The following TMIGD2 variants were observed in gnomAD, a reference collection of about 807,000 sequenced individuals.
TMIGD2 encodes the protein transmembrane and immunoglobulin domain-containing protein 2.
In TMIGD2, 18 loss-of-function variants were observed where a neutral mutation model predicts 22.6. The observed-to-expected ratio is 0.80, with a 90% CI of 0.55 to 1.18. The LOEUF (loss-of-function observed/expected upper bound fraction) is 1.18. TMIGD2 is among the 50% of genes most tolerant of loss of function. The pLI, the probability that TMIGD2 is intolerant of heterozygous loss-of-function variation, is 0.00. For synonymous variants in TMIGD2, 184 were observed against 154.1 expected, an observed-to-expected ratio of 1.19 and a Z score of -1.44; for missense variants, 361 against 378.2, an observed-to-expected ratio of 0.95 and a Z score of 0.38.
intron 2 of TMIGD2, 36 bp downstream of exon 2, chr19:4,297,950 C>T (rs112223897): frequency 1.3e-6 from 2 of 1,516,662 alleles, no homozygotes; most frequent in Admixed American, 4.4e-5. Flanking sequence ...TAGGATCCTC[C>T]CCACTGCCCC....
At chr19:4,297,858 TAAA>T (rs11303106) in intron 2 of TMIGD2, 125 bp downstream of exon 2, 7,173 of 1,032,872 alleles carry the variant, frequency 6.9e-3, no homozygotes, top group South Asian at 0.012. Context: ...CTCTGTCTCT[TAAA>T]AAAAAAAAAA....
Position 4,299,202 on chromosome 19 carries a change from T to C in TMIGD2, c.47-857A>G, listed in dbSNP as rs542805032. Among the ~76,000 whole-genome samples, 3 of 152,194 alleles carry C rather than the reference T, an allele frequency of 2.0e-5. No homozygotes were observed. The South Asian group carries it at 6.2e-4, about 32-fold the overall frequency. ...CTCTATAGTCCAGGCTGGAGTGCAG[T>C]GGCACCATCACAGCTCACGGCAGCC... is the stretch of plus-strand genomic sequence containing the variant. On this transcript the variant is annotated intron_variant, in intron 1 of 4. Coordinates refer to ENST00000301272, the Ensembl canonical transcript of TMIGD2.
intron 4 of TMIGD2, among the ~76,000 whole-genome samples, chr19:4,294,309 C>A (rs1444524735): frequency 6.6e-6 from 1 of 152,120 alleles, no homozygotes; most frequent in African/African-American, 2.4e-5. Flanking sequence ...CCCACCTCGG[C>A]CTCCCAAAAT....
intron 2 of TMIGD2, 62 bp downstream of exon 2, chr19:4,297,924 A>G: frequency 6.7e-7 from 1 of 1,483,480 alleles, no homozygotes; most frequent in African/African-American, 1.4e-5. Flanking sequence ...TTTAAGACTC[A>G]AAAGTCTTAA....
Position 4,292,725 on chromosome 19 carries a change from G to T in TMIGD2, c.723C>A (p.Cys241Ter), listed in dbSNP as rs562051572. The T allele has an allele frequency of 4.3e-5, 69 of 1,608,998 alleles. No homozygotes were observed. In the South Asian group the frequency reaches 4.6e-4, roughly 11 times the overall value. ...GGCTGGGGCAGGGTCTCGGGCTGGGGCAGGGTCTTGACGCCAGGTGCGGCT... is the reference window on the plus strand; with the variant it reads ...GGCTGGGGCAGGGTCTCGGGCTGGGTCAGGGTCTTGACGCCAGGTGCGGCT... The change falls in exon 5 of 5, where the codon TGC becomes TGA. Residue 241 changes from cysteine (C) to a stop codon, truncating the protein, a stop_gained. Transcript: ENST00000301272. LOFTEE classifies it low-confidence loss of function (END_TRUNC).
At chr19:4,292,617 G>C in exon 5 of TMIGD2, 1 of 1,613,156 alleles carries the variant, frequency 6.2e-7, no homozygotes, top group Non-Finnish European at 8.5e-7. Context: ...CTCCCACTTT[G>C]GGGAACCCTT....
chr19:4,301,668 TCAAAA>T (rs940399972), intron 1 of TMIGD2, among the ~76,000 whole-genome samples: 9 of 152,012 alleles, frequency 5.9e-5, no homozygotes, highest in East Asian at 3.9e-4. Context: ...AGACTCCTTC[TCAAAA>T]CAAAACAAAA....
chr19:4,293,481 C>T (rs958978503), intron 4 of TMIGD2, among the ~76,000 whole-genome samples: 3 of 137,696 alleles, frequency 2.2e-5, no homozygotes, highest in African/African-American at 5.6e-5. Context: ...AGGCTGGTCT[C>T]GAACTCCTGG....
intron 2 of TMIGD2, among the ~76,000 whole-genome samples, chr19:4,296,987 A>G (rs1389785827): frequency 1.3e-5 from 2 of 151,124 alleles, no homozygotes; most frequent in Non-Finnish European, 2.9e-5. Context: ...TCTCTGGTTC[A>G]CCTGGCTCAT....
intron 1 of TMIGD2, 139 bp from the exon 2 acceptor site, chr19:4,298,484 C>T: frequency 6.0e-6 from 8 of 1,323,178 alleles, no homozygotes; most frequent in Non-Finnish European, 6.9e-6. Flanking sequence ...CGCCTGTAGT[C>T]CCAGCACTTT....
chr19:4,295,059 G>A (rs1047606907), intron 2 of TMIGD2, among the ~76,000 whole-genome samples: 1 of 151,696 alleles, frequency 6.6e-6, no homozygotes, highest in East Asian at 1.9e-4. Context: ...TCAGGAGTTC[G>A]AGACCAGCCT....
At position 4,302,374 on chromosome 19, in the gene TMIGD2, C is replaced by T. The variant is rs147605966; in HGVS notation, c.12G>A (p.Pro4=). Reference sequence around the variant, plus strand: ...GCACCAGGAGGCCCAGCACCATGCCCGGGGACCCCATTCCTGGCCCATCAC... The same window carrying T: ...GCACCAGGAGGCCCAGCACCATGCCTGGGGACCCCATTCCTGGCCCATCAC... Residue 4 remains proline (P), a synonymous_variant, in exon 1 of 5, where the codon CCG becomes CCA. Transcript: ENST00000301272. The T allele has an allele frequency of 3.5e-3, 5,486 of 1,569,828 alleles. 31 individuals are homozygous for T. Among genetic ancestry groups the T allele is most frequent in the Middle Eastern group, 0.011 (68 of 6,002 alleles).
rs1316130955 is a variant in TMIGD2, at chr19:4,297,913, G to A, written c.406+73C>T. ...AATTTAGAGTTTTTTGTTTCTAGGA[G>A]TTTAAGACTCAAAAGTCTTAAGATT... On this transcript the variant is annotated intron_variant, in intron 2 of 4. Transcript: ENST00000301272. 4.1e-6 allele frequency: 6 copies of A among 1,463,426 alleles called. No homozygotes were observed. The Admixed American group carries it at 7.4e-5, about 18-fold the overall frequency. The allele number at this position is 1,463,426 out of a possible 1,614,324, so 90.7% of individuals were successfully genotyped here.
intron 2 of TMIGD2, among the ~76,000 whole-genome samples, chr19:4,295,754 C>T (rs772292334): frequency 7.2e-5 from 11 of 151,988 alleles, no homozygotes; most frequent in South Asian, 6.2e-4. Context: ...ACGGGGAAAC[C>T]GAGGCTCAGA....
chr19:4,299,220 C>T (rs947052485), intron 1 of TMIGD2, among the ~76,000 whole-genome samples: 10 of 149,584 alleles, frequency 6.7e-5, no homozygotes, highest in South Asian at 2.1e-4. Flanking sequence ...TCACAGCTCA[C>T]GGCAGCCCTG....
chr19:4,299,312 A>AT (rs1971504452), intron 1 of TMIGD2, among the ~76,000 whole-genome samples: 2 of 151,604 alleles, frequency 1.3e-5, no homozygotes, highest in East Asian at 3.9e-4. Context: ...TGCCTGGCTA[A>AT]TTTTTTTGGT....
At position 4,293,549 on chromosome 19, in the gene TMIGD2, T is replaced by C. The variant is rs533588397; in HGVS notation, c.563-664A>G. ...TGCTGGGATTACATGCATGAGCCAC[T>C]GCACCCGGCCAATTTTTTTTTTTTT... On this transcript the variant is annotated intron_variant, in intron 4 of 4. Coordinates refer to ENST00000301272, the Ensembl canonical transcript of TMIGD2. 6.0e-4 allele frequency among the ~76,000 whole-genome samples: 90 copies of C among 148,920 alleles called. 3 individuals carry two copies. The East Asian group carries it at 0.013, about 21-fold the overall frequency.
chr19:4,296,667 T>TGGGTAACACACCCAG (rs1307376827), intron 2 of TMIGD2, among the ~76,000 whole-genome samples: 2 of 151,772 alleles, frequency 1.3e-5, no homozygotes, highest in Non-Finnish European at 2.9e-5. Flanking sequence ...TGGGAAGAGG[T>TGGGTAACACACCCAG]GGGTAACACA....
exon 2 of TMIGD2, chr19:4,298,050 C>T (rs1415955972): frequency 1.8e-5 from 29 of 1,613,282 alleles, no homozygotes; most frequent in Admixed American, 3.3e-5. Context: ...TCTCTACGGC[C>T]GCCCAGCACA....
Sources: gnomAD v4.1 joint callset for allele counts (sites outside exome capture counted in the v4.1 genomes callset) on GRCh38, gnomAD v4.1.1 for gene constraint, MANE v1.5 for transcripts, NCBI Gene and HGNC (gene_info 2026-07-23, HGNC 2026-07-21) for gene names.